CAST: variants seen among roughly 807,000 people sequenced by gnomAD.
CAST encodes the protein MIR583 host.
A neutral mutation model predicts 119.6 loss-of-function variants in CAST; 76 were observed. That is an observed-to-expected ratio of 0.64 (90% confidence interval 0.53 to 0.77). The LOEUF is 0.77. Ranked by LOEUF, CAST falls within the 30% of genes least tolerant of loss-of-function variation. The pLI is 0.00. For synonymous variants in CAST, 319 were observed against 331.6 expected, an observed-to-expected ratio of 0.96 and a Z score of 0.41; for missense variants, 953 against 946.5, an observed-to-expected ratio of 1.01 and a Z score of -0.09.
At chr5:96,109,954 A>G in the CAST span, among the ~76,000 whole-genome samples, 1 of 152,266 alleles carries the variant, frequency 6.6e-6, no homozygotes, top group East Asian at 1.9e-4. Flanking sequence ...GAAAAAAAAT[A>G]AAGCACCGCT....
the CAST span, among the ~76,000 whole-genome samples, chr5:96,287,770 A>G: frequency 1.3e-5 from 2 of 152,174 alleles, no homozygotes; most frequent in African/African-American, 4.8e-5. Flanking sequence ...AATTAAAATA[A>G]CTGAAGAATT....
chr5:96,401,450 G>A, the CAST span, among the ~76,000 whole-genome samples: 8 of 152,322 alleles, frequency 5.3e-5, no homozygotes, highest in East Asian at 1.5e-3. Flanking sequence ...CAGAAAGGGA[G>A]CTTATACTTT....
chr5:96,433,041 A>G, the CAST span: 5 of 1,613,992 alleles, frequency 3.1e-6, no homozygotes, highest in East Asian at 4.5e-5. Context: ...TCTTCGCTCC[A>G]TAGCTCACAC....
At chr5:96,197,407 A>G in the CAST span, among the ~76,000 whole-genome samples, 47 of 152,276 alleles carry the variant, frequency 3.1e-4, no homozygotes, top group African/African-American at 1.1e-3. Flanking sequence ...TTTTTGTTGT[A>G]GAGGAATACA....
chr5:96,713,135 T>TTC (rs1756517749), intron 3 of CAST, among the ~76,000 whole-genome samples: 1 of 145,612 alleles, frequency 6.9e-6, no homozygotes, highest in Admixed American at 6.9e-5. Flanking sequence ...GAATTTCTCT[T>TTC]TTTTTTTTTT....
the CAST span, among the ~76,000 whole-genome samples, chr5:96,491,931 A>C: frequency 6.6e-6 from 1 of 152,248 alleles, no homozygotes; most frequent in East Asian, 1.9e-4. Context: ...ATGAAGTTCT[A>C]AAACAGGCAA....
chr5:96,386,433 A>G, the CAST span, among the ~76,000 whole-genome samples: 1 of 152,214 alleles, frequency 6.6e-6, no homozygotes, highest in Non-Finnish European at 1.5e-5. Flanking sequence ...TTAGGAAAGG[A>G]AGGTTCACAT....
At chr5:96,691,521 C>T (rs1395909348) in intron 2 of CAST, among the ~76,000 whole-genome samples, 1 of 152,146 alleles carries the variant, frequency 6.6e-6, no homozygotes, top group Non-Finnish European at 1.5e-5. Flanking sequence ...GTGTACCAAC[C>T]AGACCCACTG....
rs143411455 is a variant in CAST at position 96,649,975 on chromosome 5, T to G, written c.61-25564T>G. ...GTTTTACTTGGATATTCTCACATAA[T>G]CCTTATAGCAACCTCATAAGTTAGA... is the stretch of plus-strand genomic sequence containing the variant. On this transcript the variant is annotated intron_variant, in intron 1 of 11. Transcript: ENST00000505143. Among the ~76,000 whole-genome samples, 183 of 152,330 alleles carry G rather than the reference T, an allele frequency of 1.2e-3. 3 individuals carry two copies. The East Asian group carries it at 0.017, about 14-fold the overall frequency.
At chr5:96,496,641 C>G in the CAST span, among the ~76,000 whole-genome samples, 2 of 152,182 alleles carry the variant, frequency 1.3e-5, no homozygotes, top group African/African-American at 4.8e-5. Context: ...CATTGGCAAG[C>G]TTTTAAAGAA....
At chr5:96,662,922 A>G (rs1580871037) in intron 1 of CAST, 1 of 589,128 alleles carries the variant, frequency 1.7e-6, no homozygotes, top group East Asian at 2.9e-5. Flanking sequence ...TTCCCTAACC[A>G]GCCTCGAGCC....
the CAST span, among the ~76,000 whole-genome samples, chr5:96,202,504 G>C: frequency 6.6e-6 from 1 of 152,050 alleles, no homozygotes; most frequent in African/African-American, 2.4e-5. Context: ...TTAATAGGAT[G>C]ACTTGTATGA....
Position 96,726,791 on chromosome 5 carries a change from T to A in CAST, c.271-3T>A. ...TATACCTGGGGCTGTGCTCTTATAT[T>A]AGGCCATTCCAGTCAGCCAACAGAT... On this transcript the variant is annotated splice_polypyrimidine_tract_variant and splice_region_variant and intron_variant, in intron 4 of 31. Transcript: ENST00000675179. The A allele has an allele frequency of 6.2e-7, 1 of 1,609,498 alleles. No homozygotes were observed. The highest frequency in any genetic ancestry group is 8.5e-7 in the Non-Finnish European group (1 of 1,176,282).
intron 2 of CAST, among the ~76,000 whole-genome samples, chr5:96,687,904 T>C (rs914915923): frequency 6.6e-6 from 1 of 152,208 alleles, no homozygotes; most frequent in African/African-American, 2.4e-5. Context: ...AATATACTTA[T>C]TTCACTAGTG....
the CAST span, among the ~76,000 whole-genome samples, chr5:96,390,205 C>A: frequency 6.6e-6 from 1 of 152,142 alleles, no homozygotes; most frequent in East Asian, 1.9e-4. Flanking sequence ...ATACCTTGTT[C>A]AGGTAGATTC....
chr5:96,272,345 A>G, the CAST span, among the ~76,000 whole-genome samples: 4 of 152,222 alleles, frequency 2.6e-5, no homozygotes, highest in African/African-American at 9.6e-5. Context: ...CACGATAGCC[A>G]AAAGATCAAA....
chr5:96,427,989 A>G, the CAST span, among the ~76,000 whole-genome samples: 4 of 152,158 alleles, frequency 2.6e-5, no homozygotes. Flanking sequence ...ATAACTTGAC[A>G]AAAAAGAGCT....
At chr5:96,244,217 A>G in the CAST span, among the ~76,000 whole-genome samples, 200 of 152,326 alleles carry the variant, frequency 1.3e-3, 1 homozygote, top group Non-Finnish European at 2.6e-3. Context: ...AATTCACTCA[A>G]TAAATAAAAT....
At chr5:96,099,929 T>C in the CAST span, among the ~76,000 whole-genome samples, 1 of 152,218 alleles carries the variant, frequency 6.6e-6, no homozygotes, top group Non-Finnish European at 1.5e-5. Context: ...GTATATCTGG[T>C]AGAATTCAGC....
Sources: allele counts gnomAD v4.1 joint callset (sites outside exome capture counted in the v4.1 genomes callset), GRCh38; gene constraint gnomAD v4.1.1; transcripts MANE v1.5; gene names NCBI Gene and HGNC (gene_info 2026-07-23, HGNC 2026-07-21).